HPSE2: variants seen among roughly 807,000 people sequenced by gnomAD.
The protein encoded by HPSE2 is heparanase 2 (inactive).
HPSE2 carries 38 observed loss-of-function variants against 60.5 expected under a neutral mutation model. The observed-to-expected ratio is 0.63, with a 90% CI of 0.48 to 0.82. HPSE2 has a LOEUF of 0.82. HPSE2 is among the 40% of genes least tolerant of loss of function. The probability of loss-of-function intolerance (pLI) is 0.00; values close to 1 mark genes in which losing one functional copy is unlikely to be tolerated. For missense variants in HPSE2, 713 were observed against 740.4 expected (o/e 0.96, Z 0.43); for synonymous variants, 295 against 293.2 (o/e 1.01, Z -0.06).
intron 6 of HPSE2, among the ~76,000 whole-genome samples, chr10:98,693,486 C>T (rs1208397141): frequency 1.3e-5 from 2 of 152,056 alleles, no homozygotes; most frequent in Non-Finnish European, 2.9e-5. Context: ...AGACCACTGA[C>T]ATTAATATAA....
chr10:99,233,249 T>C (rs987352006), intron 1 of HPSE2, among the ~76,000 whole-genome samples: 4 of 152,042 alleles, frequency 2.6e-5, no homozygotes, highest in Non-Finnish European at 4.4e-5. Flanking sequence ...CAAAGTCTCT[T>C]TGGCCCCTGA....
intron 3 of HPSE2, among the ~76,000 whole-genome samples, chr10:99,087,344 T>C (rs1258268420): frequency 6.6e-6 from 1 of 152,214 alleles, no homozygotes; most frequent in Non-Finnish European, 1.5e-5. Context: ...TGTGATACTT[T>C]CTGGCGTCCC....
chr10:98,734,911 A>AC (rs879437103), intron 4 of HPSE2, among the ~76,000 whole-genome samples: 33 of 113,994 alleles, frequency 2.9e-4, no homozygotes, highest in African/African-American at 8.7e-4. Flanking sequence ...ACACACACAC[A>AC]AACACACACA....
rs192106928 is a variant in HPSE2, at chr10:98,892,372, T to C, written c.611-148316A>G. On this transcript the variant is annotated intron_variant, in intron 3 of 11. Transcript: ENST00000370552. ...ATCCCAGAGATTTCTAAATGAGCTT[T>C]AGAATAAATTTGAATAAATATTCTT... Among the ~76,000 whole-genome samples, 9 of 152,302 alleles carry C rather than the reference T, an allele frequency of 5.9e-5. No individual in the cohort carries two copies. The East Asian group carries it at 1.7e-3, about 29-fold the overall frequency.
chr10:98,645,974 C>T (rs941871585), intron 6 of HPSE2, among the ~76,000 whole-genome samples: 15 of 152,130 alleles, frequency 9.9e-5, no homozygotes, highest in Admixed American at 2.0e-4. Context: ...GACTAGGTCT[C>T]AAAACAAAAC....
At chr10:99,024,393 A>C (rs1957331476) in intron 3 of HPSE2, among the ~76,000 whole-genome samples, 1 of 152,304 alleles carries the variant, frequency 6.6e-6, no homozygotes, top group South Asian at 2.1e-4. Flanking sequence ...CAAACCAAAA[A>C]ACATGCAATG....
At chr10:99,094,910 G>A (rs1843667093) in intron 3 of HPSE2, among the ~76,000 whole-genome samples, 1 of 151,840 alleles carries the variant, frequency 6.6e-6, no homozygotes, top group Non-Finnish European at 1.5e-5. Context: ...GTTTGGAGCT[G>A]GTCACAGTGG....
intron 6 of HPSE2, among the ~76,000 whole-genome samples, chr10:98,677,179 G>C (rs1589621650): frequency 6.6e-6 from 1 of 152,150 alleles, no homozygotes; most frequent in Non-Finnish European, 1.5e-5. Context: ...GCTTCCTGGG[G>C]TGAGGGATTT....
intron 3 of HPSE2, among the ~76,000 whole-genome samples, chr10:98,935,332 G>C (rs1159973583): frequency 7.0e-6 from 1 of 143,034 alleles, no homozygotes; most frequent in Non-Finnish European, 1.5e-5. Context: ...CCTTGCTGGA[G>C]ACGAGTTACA....
At chr10:99,121,996 A>C (rs1369810365) in intron 3 of HPSE2, among the ~76,000 whole-genome samples, 1 of 152,088 alleles carries the variant, frequency 6.6e-6, no homozygotes, top group Non-Finnish European at 1.5e-5. Context: ...GAAGTCCACA[A>C]AATTTTAAGG....
At chr10:99,025,260 A>C (rs951374693) in intron 3 of HPSE2, among the ~76,000 whole-genome samples, 1 of 152,166 alleles carries the variant, frequency 6.6e-6, no homozygotes, top group Non-Finnish European at 1.5e-5. Context: ...AGGAATGTTA[A>C]TTAGGTCAAC....
At chr10:98,679,176 G>C (rs1487636131) in intron 6 of HPSE2, among the ~76,000 whole-genome samples, 1 of 152,130 alleles carries the variant, frequency 6.6e-6, no homozygotes, top group African/African-American at 2.4e-5. Flanking sequence ...GAGAATGAGG[G>C]GATGCATGGA....
At chr10:98,852,930 A>G (rs1589949726) in intron 3 of HPSE2, among the ~76,000 whole-genome samples, 1 of 152,208 alleles carries the variant, frequency 6.6e-6, no homozygotes, top group Non-Finnish European at 1.5e-5. Context: ...GAAGTCACCT[A>G]TATGCATATA....
intron 3 of HPSE2, among the ~76,000 whole-genome samples, chr10:99,039,143 T>A (rs1170570053): frequency 6.6e-6 from 1 of 152,202 alleles, no homozygotes; most frequent in African/African-American, 2.4e-5. Context: ...TAAAGACTTT[T>A]GAGTTTGCCA....
chr10:99,027,623 T>C (rs1250195839), intron 3 of HPSE2, among the ~76,000 whole-genome samples: 1 of 151,814 alleles, frequency 6.6e-6, no homozygotes, highest in Non-Finnish European at 1.5e-5. Flanking sequence ...AGGCCAGGAT[T>C]ACCCTGATAA....
chr10:99,269,338 A>G, the HPSE2 span, among the ~76,000 whole-genome samples: 8 of 152,198 alleles, frequency 5.3e-5, no homozygotes, highest in Admixed American at 6.5e-5. Context: ...TTAAAGCAAC[A>G]GCAGTTAAAA....
intron 2 of HPSE2, among the ~76,000 whole-genome samples, chr10:99,189,323 A>G (rs1476857005): frequency 6.6e-6 from 1 of 152,226 alleles, no homozygotes; most frequent in Non-Finnish European, 1.5e-5. Context: ...CCAAGAAAGC[A>G]AAACAATATG....
At chr10:98,795,491 A>G (rs1448295150) in intron 3 of HPSE2, among the ~76,000 whole-genome samples, 1 of 152,224 alleles carries the variant, frequency 6.6e-6, no homozygotes. Flanking sequence ...CAGACTAGCC[A>G]GAGGGAAATC....
chr10:99,265,212 C>G, the HPSE2 span, among the ~76,000 whole-genome samples: 1 of 152,210 alleles, frequency 6.6e-6, no homozygotes, highest in Non-Finnish European at 1.5e-5. Flanking sequence ...CTCCCCTGCC[C>G]TTAAGAAGGT....
Sources: gnomAD v4.1 joint callset for allele counts (sites outside exome capture counted in the v4.1 genomes callset) on GRCh38, gnomAD v4.1.1 for gene constraint, MANE v1.5 for transcripts, NCBI Gene and HGNC (gene_info 2026-07-23, HGNC 2026-07-21) for gene names.